The following RANBP17 variants were observed in gnomAD, a reference collection of about 807,000 sequenced individuals.
RANBP17 encodes ran-binding protein 17.
RANBP17 carries 158 observed loss-of-function variants against 141.2 expected under a neutral mutation model. The observed-to-expected ratio is 1.12, with a 90% CI of 0.98 to 1.28. The LOEUF (loss-of-function observed/expected upper bound fraction) is 1.28. Among genes scored for constraint, RANBP17 ranks in the 50% most tolerant of loss-of-function variants. The pLI is 0.00. For missense variants in RANBP17, 1,438 were observed against 1,290.7 expected (o/e 1.11, Z -1.75); for synonymous variants, 430 against 450.0 (o/e 0.96, Z 0.56).
chr5:171,114,403 C>T (rs1414722826), intron 14 of RANBP17, among the ~76,000 whole-genome samples: 1 of 152,016 alleles, frequency 6.6e-6, no homozygotes, highest in African/African-American at 2.4e-5. Context: ...TTTACCTGCT[C>T]CAGGAGCTTA....
chr5:170,895,862 G>T (rs1351766689), intron 4 of RANBP17, among the ~76,000 whole-genome samples, 188 bp from the exon 5 acceptor site: 1 of 152,036 alleles, frequency 6.6e-6, no homozygotes, highest in Non-Finnish European at 1.5e-5. Flanking sequence ...TCAAAAAATA[G>T]GTTTGAAATT....
rs1310029032 is a variant in RANBP17 at position 171,291,653 on chromosome 5, A to G, written c.2944-2230A>G. Among the ~76,000 whole-genome samples the G allele has an allele frequency of 2.0e-5, 3 of 152,174 alleles. No homozygotes were observed. The South Asian group carries it at 6.2e-4, about 32-fold the overall frequency. ...TCTGTGCTTAAGCATTTCATCCAGTATTCTTCCACATGCCCCTTCTCCAGA... is the reference window on the plus strand; with the variant it reads ...TCTGTGCTTAAGCATTTCATCCAGTGTTCTTCCACATGCCCCTTCTCCAGA... On this transcript the variant is annotated intron_variant, in intron 25 of 27. Transcript: ENST00000523189.
chr5:171,259,956 G>A (rs1766181147), intron 24 of RANBP17, among the ~76,000 whole-genome samples: 1 of 151,748 alleles, frequency 6.6e-6, no homozygotes, highest in African/African-American at 2.4e-5. Flanking sequence ...ACTGCAACCT[G>A]GGCAACAGAG....
intron 25 of RANBP17, among the ~76,000 whole-genome samples, chr5:171,281,724 A>G (rs920035264): frequency 1.3e-5 from 2 of 152,220 alleles, no homozygotes; most frequent in Non-Finnish European, 2.9e-5. Context: ...ATGAAGTTAC[A>G]TGTGTGCACC....
At chr5:170,894,481 GTTTTT>G (rs972123167) in intron 4 of RANBP17, among the ~76,000 whole-genome samples, 1 of 39,142 alleles carries the variant, frequency 2.6e-5, no homozygotes, top group African/African-American at 1.1e-4. Flanking sequence ...GTTAGTACGT[GTTTTT>G]TATATATATA....
chr5:171,161,425 G>T (rs1759345502), intron 14 of RANBP17: 3 of 200,806 alleles, frequency 1.5e-5, no homozygotes, highest in Admixed American at 1.2e-4. Flanking sequence ...CCTGAGGAGT[G>T]ATGTACCCAG....
chr5:170,949,857 A>G (rs986807147), intron 12 of RANBP17, among the ~76,000 whole-genome samples: 3 of 152,208 alleles, frequency 2.0e-5, no homozygotes, highest in African/African-American at 7.2e-5. Flanking sequence ...GAAATGTGAT[A>G]TATCCATAGT....
At chr5:171,129,899 A>G (rs1756777327) in intron 14 of RANBP17, among the ~76,000 whole-genome samples, 1 of 152,214 alleles carries the variant, frequency 6.6e-6, no homozygotes, top group African/African-American at 2.4e-5. Flanking sequence ...TTTCACAATC[A>G]TATGAATAGT....
At chr5:171,244,295 AG>A (rs540277153) in intron 24 of RANBP17, among the ~76,000 whole-genome samples, 130 of 152,154 alleles carry the variant, frequency 8.5e-4, no homozygotes, top group African/African-American at 3.0e-3. Flanking sequence ...CGGGAGGCCA[AG>A]GCAGGAGAAT....
chr5:170,863,731 A>G (rs935047907), intron 1 of RANBP17: 1 of 152,214 alleles, frequency 6.6e-6, no homozygotes, highest in African/African-American at 2.4e-5. Context: ...AAGGTGATGT[A>G]CAGTTAAATC....
intron 25 of RANBP17, among the ~76,000 whole-genome samples, chr5:171,282,382 G>A (rs1339183756): frequency 6.6e-6 from 1 of 152,156 alleles, no homozygotes; most frequent in African/African-American, 2.4e-5. Context: ...TCCTCTTGAC[G>A]AAGGCACAGG....
chr5:170,991,364 A>G (rs1778496498), intron 14 of RANBP17, among the ~76,000 whole-genome samples: 1 of 151,974 alleles, frequency 6.6e-6, no homozygotes, highest in South Asian at 2.1e-4. Context: ...TTGTTATAAT[A>G]AGACAATGAT....
intron 18 of RANBP17, among the ~76,000 whole-genome samples, chr5:171,186,902 G>A (rs562785831): frequency 2.0e-5 from 3 of 151,826 alleles, no homozygotes; most frequent in Admixed American, 6.6e-5. Context: ...TAATTTAATC[G>A]CTTTAATTTT....
intron 1 of RANBP17, chr5:170,863,820 G>T (rs1359765221): frequency 1.3e-5 from 2 of 152,228 alleles, no homozygotes; most frequent in African/African-American, 2.4e-5. Context: ...TACCCATATT[G>T]GTTTTGCAGG....
At chr5:170,862,424 C>T (rs1766875339) in intron 1 of RANBP17, among the ~76,000 whole-genome samples, 1 of 152,278 alleles carries the variant, frequency 6.6e-6, no homozygotes, top group African/African-American at 2.4e-5. Context: ...TGGCGCGCCT[C>T]GCGCGGCTGC....
intron 12 of RANBP17, among the ~76,000 whole-genome samples, chr5:170,940,207 C>G (rs960642137): frequency 6.6e-6 from 1 of 151,968 alleles, no homozygotes; most frequent in East Asian, 1.9e-4. Context: ...ATGTGCTATG[C>G]AAATATGAAC....
chr5:171,190,453 CAT>C (rs947961937), intron 18 of RANBP17, among the ~76,000 whole-genome samples: 12 of 152,116 alleles, frequency 7.9e-5, no homozygotes, highest in African/African-American at 1.7e-4. Context: ...TGTTTCAAAA[CAT>C]GTGAGAGATG....
Position 170,896,892 on chromosome 5 carries a change from G to A in RANBP17, c.489+777G>A, listed in dbSNP as rs145839599. On this transcript the variant is annotated intron_variant, in intron 5 of 27. Coordinates refer to ENST00000523189, the MANE Select transcript of RANBP17 (RefSeq NM_022897.5). ...TTGCAGGCCCAATGCAGAGGCCGGC[G>A]CGGCTCACAAGCGCCCCCAGCTGAC... The A allele has an allele frequency of 1.0e-3, 584 of 582,942 alleles. 3 individuals are homozygous for A. The highest frequency in any genetic ancestry group is 9.6e-3 in the African/African-American group (509 of 52,778). The allele number at this position is 582,942 out of a possible 1,614,324, so 36.1% of individuals were successfully genotyped here.
intron 5 of RANBP17, chr5:170,897,447 T>C (rs1266333994): frequency 1.6e-5 from 6 of 380,420 alleles, no homozygotes; most frequent in Non-Finnish European, 2.5e-5. Flanking sequence ...TGGATACATG[T>C]GCAGAATGTA....
Sources: allele counts gnomAD v4.1 joint callset (sites outside exome capture counted in the v4.1 genomes callset), GRCh38; gene constraint gnomAD v4.1.1; transcripts MANE v1.5; gene names NCBI Gene and HGNC (gene_info 2026-07-23, HGNC 2026-07-21).